The following DNAH7 variants were observed in gnomAD, a reference collection of about 807,000 sequenced individuals.
DNAH7 encodes axonemal beta dynein heavy chain 7.
Under a neutral mutation model 444.6 loss-of-function variants are expected in DNAH7, and 397 were observed. That is an observed-to-expected ratio of 0.89 (90% confidence interval 0.82 to 0.97). DNAH7 has a LOEUF of 0.97. Among genes scored for constraint, DNAH7 ranks in the 50% least tolerant of loss-of-function variants. DNAH7 has a pLI of 0.00. For missense variants in DNAH7, 4,902 were observed against 4,800.8 expected, an observed-to-expected ratio of 1.02 and a Z score of -0.62; for synonymous variants, 1,636 against 1,624.4, an observed-to-expected ratio of 1.01 and a Z score of -0.17.
chr2:195,879,508 T>G (rs1701253461), intron 36 of DNAH7, among the ~76,000 whole-genome samples: 1 of 152,136 alleles, frequency 6.6e-6, no homozygotes, highest in South Asian at 2.1e-4. Flanking sequence ...AAAAATTATA[T>G]AAACAAAATT....
intron 28 of DNAH7, among the ~76,000 whole-genome samples, chr2:195,899,207 G>A (rs1291994134): frequency 6.6e-6 from 1 of 151,854 alleles, no homozygotes; most frequent in Non-Finnish European, 1.5e-5. Context: ...TCTTTGAGAG[G>A]CTGTTATTTT....
chr2:195,796,491 G>A (rs1308204409), intron 56 of DNAH7, 85 bp downstream of exon 56: 1 of 1,445,274 alleles, frequency 6.9e-7, no homozygotes, highest in Non-Finnish European at 9.4e-7. Flanking sequence ...CCAAATTAGA[G>A]GGGAATGGAG....
chr2:195,830,121 C>T (rs1697990230), intron 48 of DNAH7, among the ~76,000 whole-genome samples: 1 of 152,076 alleles, frequency 6.6e-6, no homozygotes, highest in African/African-American at 2.4e-5. Context: ...AAGAGACAGA[C>T]TTCTCTTCAT....
At chr2:196,028,838 G>A (rs1361879378) in intron 5 of DNAH7, among the ~76,000 whole-genome samples, 1 of 152,140 alleles carries the variant, frequency 6.6e-6, no homozygotes, top group Non-Finnish European at 1.5e-5. Flanking sequence ...GGGGAGACTC[G>A]AGGTTCATTG....
Position 195,796,694 on chromosome 2 carries a change from C to A in DNAH7, c.10397G>T (p.Gly3466Val). Residue 3466 changes from glycine (G) to valine (V), a missense_variant, in exon 56 of 65, where the codon GGC becomes GTC. Coordinates refer to ENST00000312428, the MANE Select transcript of DNAH7 (RefSeq NM_018897.3). ...SKLSSLSLGQ[G>V]QGPIAMKMLE... ...CATCTTCATAGCAATGGGCCCTTGG[C>A]CTTGACCAAGAGATAAAGAGCTAAG... is the stretch of plus-strand genomic sequence containing the variant. The A allele has an allele frequency of 3.1e-6, 5 of 1,614,114 alleles. No individual in the cohort carries two copies. Among genetic ancestry groups the A allele is most frequent in the Admixed American group, 3.3e-5 (2 of 60,024 alleles).
chr2:196,049,392 G>T (rs1408479934), intron 3 of DNAH7, among the ~76,000 whole-genome samples: 1 of 152,106 alleles, frequency 6.6e-6, no homozygotes, highest in Admixed American at 6.6e-5. Context: ...TCATAGAAGC[G>T]CTACGAGGAG....
At chr2:195,827,191 C>T (rs1697805721) in intron 48 of DNAH7, among the ~76,000 whole-genome samples, 1 of 152,198 alleles carries the variant, frequency 6.6e-6, no homozygotes, top group African/African-American at 2.4e-5. Context: ...CACTCATTGC[C>T]ACATGTGCTA....
At chr2:196,019,743 G>T (rs1290794092) in intron 8 of DNAH7, among the ~76,000 whole-genome samples, 3 of 151,980 alleles carry the variant, frequency 2.0e-5, no homozygotes, top group South Asian at 2.1e-4. Context: ...CCTTCCCATA[G>T]AAATCCCCTT....
At chr2:195,940,221 C>A (rs1274256655) in intron 19 of DNAH7, among the ~76,000 whole-genome samples, 1 of 152,092 alleles carries the variant, frequency 6.6e-6, no homozygotes, top group Non-Finnish European at 1.5e-5. Context: ...TCACACCACA[C>A]ATCTACAACC....
In DNAH7 at chr2:195,809,861, G is replaced by T; in HGVS notation, c.9772C>A (p.Leu3258Ile). 6.4e-7 allele frequency: 1 copy of T among 1,564,882 alleles called. No individual in the cohort carries two copies. Among genetic ancestry groups the T allele is most frequent in the South Asian group, 1.2e-5 (1 of 81,318 alleles). Reference sequence around the variant, plus strand: ...AGTGAATAAGTAAAGTGATCCTTGAGAATCTGAAGCCTAAGGGTCAACAGA... The same window carrying T: ...AGTGAATAAGTAAAGTGATCCTTGATAATCTGAAGCCTAAGGGTCAACAGA... ...SEILAKRLQI[L>I]KDHFTYSLYV... The change falls in exon 52 of 65, where the codon CTC becomes ATC. Residue 3258 changes from leucine (L) to isoleucine (I), a missense_variant. Leu to Ile is a conservative substitution (Grantham distance 5). Coordinates refer to ENST00000312428, the MANE Select transcript of DNAH7 (RefSeq NM_018897.3).
chr2:195,975,298 G>C (rs1692115142), intron 15 of DNAH7, among the ~76,000 whole-genome samples: 1 of 151,680 alleles, frequency 6.6e-6, no homozygotes, highest in African/African-American at 2.4e-5. Flanking sequence ...CTCAGGGAGG[G>C]AGAGTGGGAC....
intron 63 of DNAH7, among the ~76,000 whole-genome samples, chr2:195,753,536 G>T (rs1196645910): frequency 1.3e-5 from 2 of 152,176 alleles, no homozygotes; most frequent in African/African-American, 4.8e-5. Flanking sequence ...ATAGAAGAGT[G>T]AGCCAGTGAA....
rs200023392 is a variant in DNAH7, at chr2:195,826,964, T to C, written c.9101-2519A>G. Among the ~76,000 whole-genome samples the C allele has an allele frequency of 1.1e-3, 169 of 152,254 alleles. No homozygotes were observed. In the East Asian group the frequency reaches 0.014, roughly 13 times the overall value. On this transcript the variant is annotated intron_variant, in intron 48 of 64. Coordinates refer to ENST00000312428, the MANE Select transcript of DNAH7 (RefSeq NM_018897.3). Reference sequence around the variant, plus strand: ...TAGAAAAAAAAAAGAAGAAATATCCTTTAAGGGTGTTTCCTGGCAGTCACA... The same window carrying C: ...TAGAAAAAAAAAAGAAGAAATATCCCTTAAGGGTGTTTCCTGGCAGTCACA...
Position 195,897,769 on chromosome 2 carries a change from A to T in DNAH7, c.4549-4T>A. On this transcript the variant is annotated splice_polypyrimidine_tract_variant and splice_region_variant and intron_variant, in intron 28 of 64. Transcript: ENST00000312428. ...CATTTTCATTTGGATATTTCAGCTA[A>T]AAAAAAAAAAAAAAACTCATGAGGA... 2 of 775,782 alleles carry T rather than the reference A, an allele frequency of 2.6e-6. No homozygotes were observed. Among genetic ancestry groups the T allele is most frequent in the East Asian group, 3.9e-5 (1 of 25,568 alleles). 48.1% of individuals were successfully genotyped at this position (775,782 alleles called of 1,614,324 possible). A position where few individuals can be genotyped will look rare whatever the true frequency, so the allele number is the denominator to read the frequency against.
Position 195,794,480 on chromosome 2 carries a change from G to T in DNAH7, c.10574C>A (p.Ser3525Tyr). The change falls in exon 57 of 65, where the codon TCT becomes TAT. Residue 3525 changes from serine to tyrosine, a missense_variant. Coordinates refer to ENST00000312428, the MANE Select transcript of DNAH7 (RefSeq NM_018897.3). Reference protein sequence around the residue: ...DFRMWLTSYPSPNFPVSVLQN... With the variant: ...DFRMWLTSYPYPNFPVSVLQN... Reference sequence around the variant, plus strand: ...CAGTACTGACACAGGGAAATTTGGAGATGGGTAACTCGTTAGCCACATTCG... The same window carrying T: ...CAGTACTGACACAGGGAAATTTGGATATGGGTAACTCGTTAGCCACATTCG... 6.2e-7 allele frequency: 1 copy of T among 1,614,192 alleles called. No individual in the cohort carries two copies. Among genetic ancestry groups the T allele is most frequent in the Non-Finnish European group, 8.5e-7 (1 of 1,180,022 alleles).
intron 24 of DNAH7, among the ~76,000 whole-genome samples, chr2:195,912,743 T>C (rs1261750199): frequency 6.6e-6 from 1 of 152,230 alleles, no homozygotes; most frequent in Non-Finnish European, 1.5e-5. Context: ...AAGACACTTG[T>C]CACATATAAA....
chr2:195,778,951 C>G (rs567254249), intron 58 of DNAH7, among the ~76,000 whole-genome samples: 1 of 150,684 alleles, frequency 6.6e-6, no homozygotes, highest in African/African-American at 2.4e-5. Flanking sequence ...TCAAGCATTT[C>G]TCCTGCCTCA....
At chr2:195,877,102 G>A (rs1372471142) in intron 36 of DNAH7, among the ~76,000 whole-genome samples, 1 of 152,144 alleles carries the variant, frequency 6.6e-6, no homozygotes, top group East Asian at 1.9e-4. Flanking sequence ...AAGTTAGAAA[G>A]CTTAAAAATA....
At chr2:196,010,953 T>C (rs968860703) in intron 10 of DNAH7, among the ~76,000 whole-genome samples, 8 of 151,950 alleles carry the variant, frequency 5.3e-5, no homozygotes, top group African/African-American at 1.2e-4. Flanking sequence ...TAAAAAAACA[T>C]TGATGTCATG....
Sources: allele counts gnomAD v4.1 joint callset (sites outside exome capture counted in the v4.1 genomes callset), GRCh38; gene constraint gnomAD v4.1.1; transcripts MANE v1.5; gene names NCBI Gene and HGNC (gene_info 2026-07-23, HGNC 2026-07-21).